The following DIAPH3 variants were observed in gnomAD, a reference collection of about 807,000 sequenced individuals.
DIAPH3 encodes the protein diaphanous related formin 3, also known as protein diaphanous homolog 3.
A neutral mutation model predicts 144.3 loss-of-function variants in DIAPH3; 117 were observed. The ratio of observed to expected loss-of-function variants is 0.81; its 90% confidence interval spans 0.70 to 0.95. DIAPH3 has a LOEUF of 0.95. Among genes scored for constraint, DIAPH3 ranks in the 40% least tolerant of loss-of-function variants. The probability of loss-of-function intolerance (pLI) is 0.00; values close to 1 mark genes in which losing one functional copy is unlikely to be tolerated. For missense variants in DIAPH3, 1,421 were observed against 1,412.7 expected (o/e 1.01, Z -0.09); for synonymous variants, 519 against 488.9 (o/e 1.06, Z -0.81).
At chr13:60,018,609 T>C (rs1301355244) in intron 5 of DIAPH3, among the ~76,000 whole-genome samples, 2 of 152,166 alleles carry the variant, frequency 1.3e-5, no homozygotes, top group Non-Finnish European at 2.9e-5. Context: ...ATGTATTTTA[T>C]ATATAAACTA....
intron 4 of DIAPH3, among the ~76,000 whole-genome samples, chr13:60,076,421 T>C (rs937601265): frequency 3.9e-5 from 6 of 152,182 alleles, no homozygotes; most frequent in Non-Finnish European, 5.9e-5. Context: ...GGTAGCACAA[T>C]AGGCTCTGCA....
At chr13:59,906,008 T>C (rs1276052701) in intron 20 of DIAPH3, among the ~76,000 whole-genome samples, 1 of 152,068 alleles carries the variant, frequency 6.6e-6, no homozygotes, top group African/African-American at 2.4e-5. Context: ...ACTTCATAAA[T>C]AAGAAAATGG....
chr13:59,733,698 T>C (rs986412896), intron 27 of DIAPH3, among the ~76,000 whole-genome samples: 2 of 152,214 alleles, frequency 1.3e-5, no homozygotes, highest in Admixed American at 6.5e-5. Flanking sequence ...CAATCTCTTT[T>C]CATTATCAAC....
chr13:59,916,494 T>G (rs187755775), intron 18 of DIAPH3, among the ~76,000 whole-genome samples: 1 of 152,226 alleles, frequency 6.6e-6, no homozygotes, highest in African/African-American at 2.4e-5. Flanking sequence ...AAGGTTGATT[T>G]TTAAATGCTC....
chr13:59,835,453 C>T (rs557642792), intron 23 of DIAPH3, among the ~76,000 whole-genome samples: 1 of 151,822 alleles, frequency 6.6e-6, no homozygotes, highest in Non-Finnish European at 1.5e-5. Flanking sequence ...ACAACAGAGG[C>T]TTGACTGTTA....
chr13:59,834,584 GAC>G (rs930779702), intron 23 of DIAPH3, among the ~76,000 whole-genome samples: 1 of 151,610 alleles, frequency 6.6e-6, no homozygotes, highest in African/African-American at 2.4e-5. Context: ...GGAAAAAAGA[GAC>G]AGCACTACTG....
intron 27 of DIAPH3, among the ~76,000 whole-genome samples, chr13:59,712,586 T>C (rs1379685644): frequency 6.6e-6 from 1 of 152,182 alleles, no homozygotes; most frequent in African/African-American, 2.4e-5. Context: ...CCCACACATA[T>C]CTTATGCACC....
chr13:59,757,486 C>T (rs779444297), intron 27 of DIAPH3, among the ~76,000 whole-genome samples: 7 of 149,738 alleles, frequency 4.7e-5, no homozygotes, highest in African/African-American at 1.2e-4. Flanking sequence ...CTGCAAGCTC[C>T]GCCTCCCAGG....
chr13:59,906,195 T>C lies in DIAPH3; in HGVS notation c.2367+5540A>G, dbSNP rs143429662. ...AGAAACTACAACTAAGTGTCCTTCA[T>C]TAAGAGAATGATTAAAAGGAAAAAT... On this transcript the variant is annotated intron_variant, in intron 20 of 27. Transcript: ENST00000400324. 5.9e-5 allele frequency among the ~76,000 whole-genome samples: 9 copies of C among 152,254 alleles called. No homozygotes were observed. In the East Asian group the frequency reaches 1.5e-3, roughly 26 times the overall value.
intron 20 of DIAPH3, among the ~76,000 whole-genome samples, chr13:59,885,828 C>T (rs144696107): frequency 1.3e-5 from 2 of 152,106 alleles, no homozygotes; most frequent in East Asian, 3.9e-4. Flanking sequence ...ATGAAGCTAG[C>T]AGAGTGGTAT....
intron 1 of DIAPH3, among the ~76,000 whole-genome samples, chr13:60,151,860 T>C (rs1383369482): frequency 1.3e-5 from 2 of 152,208 alleles, no homozygotes; most frequent in African/African-American, 4.8e-5. Flanking sequence ...TCAATGCAGA[T>C]TATATGCACT....
chr13:60,131,456 A>C lies in DIAPH3; in HGVS notation c.213+1501T>G, dbSNP rs939538572. Reference sequence around the variant, plus strand: ...GTCTCAAAAAAAAAAAAAAAAAAAAAAAAACAAATGAAGTACTGATACATG... The same window carrying C: ...GTCTCAAAAAAAAAAAAAAAAAAAACAAAACAAATGAAGTACTGATACATG... On this transcript the variant is annotated intron_variant, in intron 2 of 27. Coordinates refer to ENST00000400324, the MANE Select transcript of DIAPH3 (RefSeq NM_001042517.2). Among the ~76,000 whole-genome samples, 7 of 151,132 alleles carry C rather than the reference A, an allele frequency of 4.6e-5. No individual in the cohort carries two copies. The East Asian group carries it at 5.8e-4, about 13-fold the overall frequency.
chr13:60,148,420 A>T (rs1951633279), intron 1 of DIAPH3, among the ~76,000 whole-genome samples: 1 of 152,264 alleles, frequency 6.6e-6, no homozygotes, highest in Non-Finnish European at 1.5e-5. Flanking sequence ...AGCAGTAGCC[A>T]CATTCAAGTG....
At chr13:59,781,426 G>A (rs1246019844) in intron 25 of DIAPH3, among the ~76,000 whole-genome samples, 1 of 152,108 alleles carries the variant, frequency 6.6e-6, no homozygotes, top group African/African-American at 2.4e-5. Context: ...CAAAACAAGA[G>A]GGGTAGAATA....
At chr13:59,770,827 T>C (rs73529648) in intron 27 of DIAPH3, among the ~76,000 whole-genome samples, 90 of 152,312 alleles carry the variant, frequency 5.9e-4, no homozygotes, top group African/African-American at 2.1e-3. Flanking sequence ...AGATGGTGCA[T>C]TCTTGGAAGA....
At chr13:60,078,599 A>C (rs1450584581) in intron 4 of DIAPH3, among the ~76,000 whole-genome samples, 1 of 152,076 alleles carries the variant, frequency 6.6e-6, no homozygotes. Flanking sequence ...AATAAAAGGA[A>C]TTATGTCATG....
chr13:60,102,821 C>T (rs954648365), intron 3 of DIAPH3, among the ~76,000 whole-genome samples: 2 of 152,114 alleles, frequency 1.3e-5, no homozygotes, highest in South Asian at 4.2e-4. Context: ...GGGTCAAGGT[C>T]CCTTCCAGAC....
At chr13:59,861,620 T>A in intron 21 of DIAPH3, 84 bp from the exon 22 acceptor site, 1 of 1,433,774 alleles carries the variant, frequency 7.0e-7, no homozygotes, top group Admixed American at 1.7e-5. Context: ...ATACTGTATT[T>A]TGTAGATAAG....
At chr13:60,136,653 C>T (rs2059285113) in intron 1 of DIAPH3, among the ~76,000 whole-genome samples, 1 of 152,038 alleles carries the variant, frequency 6.6e-6, no homozygotes, top group African/African-American at 2.4e-5. Flanking sequence ...ATAAACAATT[C>T]TGCCGGGCGC....
Sources: gnomAD v4.1 joint callset for allele counts (sites outside exome capture counted in the v4.1 genomes callset) on GRCh38, gnomAD v4.1.1 for gene constraint, MANE v1.5 for transcripts, NCBI Gene and HGNC (gene_info 2026-07-23, HGNC 2026-07-21) for gene names.